Variants in TPTE2 observed in about 807,000 individuals in gnomAD.
TPTE2 encodes the protein transmembrane phosphoinositide 3-phosphatase and tensin homolog 2.
Under a neutral mutation model 78.6 loss-of-function variants are expected in TPTE2, and 53 were observed. The observed-to-expected ratio is 0.67, with a 90% CI of 0.54 to 0.85. The LOEUF (loss-of-function observed/expected upper bound fraction) is 0.85, where lower values mean the gene tolerates loss of function less well. TPTE2 is among the 40% of genes least tolerant of loss of function. TPTE2 has a pLI of 0.00. For synonymous variants in TPTE2, 175 were observed against 206.2 expected (o/e 0.85, Z 1.30); for missense variants, 461 against 623.0 (o/e 0.74, Z 2.77).
intron 1 of TPTE2, among the ~76,000 whole-genome samples, chr13:19,498,577 A>G (rs886952705): frequency 2.6e-5 from 4 of 151,926 alleles, no homozygotes; most frequent in Non-Finnish European, 4.4e-5. Flanking sequence ...GAAATAAAAT[A>G]CTTTACAGAC....
chr13:19,532,974 T>C (rs1270203623), intron 1 of TPTE2, among the ~76,000 whole-genome samples: 2 of 152,112 alleles, frequency 1.3e-5, no homozygotes, highest in Non-Finnish European at 2.9e-5. Flanking sequence ...GGTCAAGGAG[T>C]ACTTCAGTAC....
At chr13:19,446,543 G>A (rs1291473677) in intron 13 of TPTE2, among the ~76,000 whole-genome samples, 2 of 152,152 alleles carry the variant, frequency 1.3e-5, no homozygotes, top group Admixed American at 6.6e-5. Flanking sequence ...AGGAAATGTG[G>A]AATATCTTTA....
chr13:19,463,738 T>A (rs1490037855), intron 10 of TPTE2, among the ~76,000 whole-genome samples: 1 of 152,162 alleles, frequency 6.6e-6, no homozygotes, highest in East Asian at 1.9e-4. Context: ...CAGGTGACTT[T>A]TTTGGCTGTA....
upstream of TPTE2, among the ~76,000 whole-genome samples, chr13:19,506,142 A>G (rs1176424140): frequency 1.6e-5 from 2 of 127,626 alleles, no homozygotes; most frequent in Non-Finnish European, 3.2e-5. Context: ...GTATATATAC[A>G]CTTACGTGTA....
At chr13:19,548,590 C>T in the TPTE2 span, among the ~76,000 whole-genome samples, 27 of 151,304 alleles carry the variant, frequency 1.8e-4, no homozygotes, top group African/African-American at 6.3e-4. Context: ...GACCTTCTTT[C>T]GCCACTGAAG....
chr13:19,439,181 G>A (rs1334497111), intron 13 of TPTE2, among the ~76,000 whole-genome samples: 7 of 152,112 alleles, frequency 4.6e-5, no homozygotes, highest in Non-Finnish European at 1.0e-4. Context: ...CAGGAAATCA[G>A]CCCTTTGCCT....
intron 1 of TPTE2, among the ~76,000 whole-genome samples, chr13:19,528,045 G>A (rs368663187): frequency 5.3e-5 from 8 of 152,110 alleles, no homozygotes; most frequent in African/African-American, 1.4e-4. Context: ...TGTGGCAACT[G>A]CAGTAAGTCA....
intron 13 of TPTE2, among the ~76,000 whole-genome samples, chr13:19,440,211 A>C (rs9582039): frequency 0.1 from 15,296 of 152,218 alleles, 1,121 homozygotes; most frequent in Non-Finnish European, 0.15. Flanking sequence ...AAAAGGCCAG[A>C]TCACACACAA....
At chr13:19,458,685 C>T in intron 10 of TPTE2, 1 of 490,830 alleles carries the variant, frequency 2.0e-6, no homozygotes, top group Non-Finnish European at 4.1e-6. Flanking sequence ...CACTTCTGAA[C>T]AAAAATTTTC....
the TPTE2 span, among the ~76,000 whole-genome samples, chr13:19,561,446 G>C: frequency 2.2e-4 from 33 of 152,174 alleles, no homozygotes; most frequent in Middle Eastern, 3.4e-3. Context: ...TTGGGAAGTT[G>C]CCTAAAGTTG....
intron 13 of TPTE2, among the ~76,000 whole-genome samples, chr13:19,442,895 A>C (rs1877585134): frequency 6.6e-6 from 1 of 152,182 alleles, no homozygotes; most frequent in Non-Finnish European, 1.5e-5. Context: ...ATTGAGCCAT[A>C]ATTTAAAGAC....
chr13:19,523,665 G>A (rs1260499222), intron 1 of TPTE2, among the ~76,000 whole-genome samples: 1 of 151,874 alleles, frequency 6.6e-6, no homozygotes, highest in Admixed American at 6.6e-5. Context: ...TAGTAGAGAC[G>A]GGGTTTCACC....
chr13:19,424,874 A>G, intron 19 of TPTE2, 73 bp downstream of exon 22: 1 of 968,154 alleles, frequency 1.0e-6, no homozygotes, highest in South Asian at 1.6e-5. Flanking sequence ...AACCAGCAAA[A>G]GACTTGCCAT....
At chr13:19,435,791 C>CACACACACACAT (rs750778227) in intron 15 of TPTE2, among the ~76,000 whole-genome samples, 7 of 150,906 alleles carry the variant, frequency 4.6e-5, no homozygotes, top group Non-Finnish European at 8.9e-5. Context: ...CACACACACA[C>CACACACACACAT]ACCAGGAGTC....
chr13:19,498,272 C>T (rs951498843), intron 1 of TPTE2, among the ~76,000 whole-genome samples: 80 of 151,692 alleles, frequency 5.3e-4, no homozygotes, highest in South Asian at 4.2e-3. Context: ...GGCAGGCCAA[C>T]GTTCAGATTC....
chr13:19,484,668 T>G (rs1333952645), intron 3 of TPTE2, among the ~76,000 whole-genome samples: 5 of 152,174 alleles, frequency 3.3e-5, no homozygotes, highest in Non-Finnish European at 7.4e-5. Flanking sequence ...GCATACATAT[T>G]TACAATTATA....
chr13:19,465,538 C>T lies in TPTE2; in HGVS notation c.539G>A (p.Arg180Gln), dbSNP rs555974519. Residue 180 changes from arginine to glutamine, a missense_variant, in exon 8 of 20, where the codon CGA (arginine) becomes CAA (glutamine). Transcript: ENST00000400230. ...AAAAATTCTTATCAGAATAATAAGTCGTAGAAGTCGAACTAAATGTGTCCA... is the reference window on the plus strand; with the variant it reads ...AAAAATTCTTATCAGAATAATAAGTTGTAGAAGTCGAACTAAATGTGTCCA... The T allele has an allele frequency of 1.2e-5, 19 of 1,602,870 alleles. No individual in the cohort carries two copies. Among genetic ancestry groups the T allele is most frequent in the South Asian group, 5.7e-5 (5 of 87,878 alleles).
chr13:19,446,041 G>A (rs938704690), intron 13 of TPTE2, among the ~76,000 whole-genome samples: 1 of 152,028 alleles, frequency 6.6e-6, no homozygotes, highest in Non-Finnish European at 1.5e-5. Context: ...AATTTGTGTA[G>A]GAATGAATTT....
At chr13:19,478,293 A>T (rs972666974) in intron 4 of TPTE2, among the ~76,000 whole-genome samples, 16 of 152,026 alleles carry the variant, frequency 1.1e-4, no homozygotes, top group East Asian at 3.9e-4. Flanking sequence ...GAATCTACAA[A>T]GAACTCAAAC....
Sources: gnomAD v4.1 joint callset for allele counts (sites outside exome capture counted in the v4.1 genomes callset) on GRCh38, gnomAD v4.1.1 for gene constraint, MANE v1.5 for transcripts, NCBI Gene and HGNC (gene_info 2026-07-23, HGNC 2026-07-21) for gene names.